The following ARHGAP15 variants were observed in gnomAD, a reference collection of about 807,000 sequenced individuals.
ARHGAP15 encodes the protein Rho GTPase activating protein 15, also known as rho GTPase-activating protein 15.
ARHGAP15 carries 51 observed loss-of-function variants against 63.7 expected under a neutral mutation model. That is an observed-to-expected ratio of 0.80 (90% confidence interval 0.64 to 1.01). The LOEUF is 1.01. ARHGAP15 is among the 50% of genes least tolerant of loss of function. ARHGAP15 has a pLI of 0.00. For missense variants in ARHGAP15, 560 were observed against 564.6 expected (o/e 0.99, Z 0.08); for synonymous variants, 191 against 193.8 (o/e 0.99, Z 0.12).
chr2:143,671,568 T>C (rs1160063686), intron 12 of ARHGAP15, among the ~76,000 whole-genome samples: 2 of 152,214 alleles, frequency 1.3e-5, no homozygotes, highest in African/African-American at 2.4e-5. Flanking sequence ...AACACACTTA[T>C]AGGTGTCCAA....
intron 6 of ARHGAP15, among the ~76,000 whole-genome samples, chr2:143,379,354 T>C (rs939987162): frequency 2.0e-5 from 3 of 151,864 alleles, no homozygotes; most frequent in Non-Finnish European, 2.9e-5. Flanking sequence ...TATATATATA[T>C]ATATGTGTGT....
intron 2 of ARHGAP15, among the ~76,000 whole-genome samples, chr2:143,160,767 C>G (rs1690260841): frequency 6.6e-6 from 1 of 151,910 alleles, no homozygotes; most frequent in African/African-American, 2.4e-5. Context: ...CTTTCCTTGT[C>G]CATGCCACCC....
chr2:143,174,927 A>G lies in ARHGAP15; in HGVS notation c.165+19272A>G, dbSNP rs541637914. Among the ~76,000 whole-genome samples the G allele has an allele frequency of 3.9e-5, 6 of 152,318 alleles. No homozygotes were observed. In the East Asian group the frequency reaches 1.2e-3, roughly 29 times the overall value. On this transcript the variant is annotated intron_variant, in intron 2 of 13. Coordinates refer to ENST00000295095, the MANE Select transcript of ARHGAP15 (RefSeq NM_018460.4). ...AATGGGAAGAAAATTCTCTTTGGGT[A>G]TTAATTAGACATATCAACGTTATTC...
chr2:143,293,343 T>C (rs2105125738), intron 6 of ARHGAP15, among the ~76,000 whole-genome samples: 1 of 152,244 alleles, frequency 6.6e-6, no homozygotes, highest in Middle Eastern at 3.4e-3. Context: ...GGTGTGTTTC[T>C]ACACTCTTAA....
In ARHGAP15 at chr2:143,437,058, G is replaced by T; in HGVS notation, c.703+16G>T. 1 of 1,585,702 alleles carries T rather than the reference G, an allele frequency of 6.3e-7. No individual in the cohort carries two copies. The highest frequency in any genetic ancestry group is 1.2e-5 in the South Asian group (1 of 85,414). On this transcript the variant is annotated intron_variant, in intron 8 of 13. Transcript: ENST00000295095. ...AAATCTTTAAGTGAGTATTTTCTTT[G>T]ACTTGCTCATTTTAAGTTTGTCTAA...
intron 13 of ARHGAP15, among the ~76,000 whole-genome samples, chr2:143,733,930 A>AT (rs1321293286): frequency 6.6e-6 from 1 of 152,108 alleles, no homozygotes; most frequent in Non-Finnish European, 1.5e-5. Flanking sequence ...TCTTATCTAC[A>AT]TTTTTTACTG....
At chr2:143,579,002 G>A (rs920528698) in intron 11 of ARHGAP15, among the ~76,000 whole-genome samples, 1 of 152,054 alleles carries the variant, frequency 6.6e-6, no homozygotes, top group Non-Finnish European at 1.5e-5. Context: ...TACATTGATA[G>A]TAAATCTCTT....
intron 6 of ARHGAP15, among the ~76,000 whole-genome samples, chr2:143,283,848 T>C (rs180746216): frequency 1.0e-3 from 159 of 152,280 alleles, no homozygotes; most frequent in African/African-American, 3.7e-3. Flanking sequence ...TATTGGGCTT[T>C]CATTCTTCTT....
rs1234922461 is a variant in ARHGAP15, at chr2:143,155,451, A to G, written c.-14-26A>G. 10 of 1,536,628 alleles carry G rather than the reference A, an allele frequency of 6.5e-6. No individual in the cohort carries two copies. In the South Asian group the frequency reaches 1.3e-4, roughly 19 times the overall value. On this transcript the variant is annotated intron_variant, in intron 1 of 13. Transcript: ENST00000295095. ...CATGGAAAATTGTATGTTTAGAATAACATAATACATTTTATATTTTATCAG... is the reference window on the plus strand; with the variant it reads ...CATGGAAAATTGTATGTTTAGAATAGCATAATACATTTTATATTTTATCAG...
chr2:143,353,078 G>A (rs1201954621), intron 6 of ARHGAP15, among the ~76,000 whole-genome samples: 1 of 151,686 alleles, frequency 6.6e-6, no homozygotes, highest in Non-Finnish European at 1.5e-5. Flanking sequence ...TTTTTTTCAG[G>A]AAAAGAATAG....
chr2:143,185,681 T>C (rs909936280), intron 2 of ARHGAP15, among the ~76,000 whole-genome samples: 10 of 152,218 alleles, frequency 6.6e-5, no homozygotes, highest in African/African-American at 2.4e-4. Context: ...GTATCAATCA[T>C]TAACTGCTAT....
chr2:143,498,909 A>C (rs144786174), intron 9 of ARHGAP15, among the ~76,000 whole-genome samples: 23 of 152,292 alleles, frequency 1.5e-4, no homozygotes, highest in African/African-American at 5.5e-4. Flanking sequence ...AAGATCCAGA[A>C]CATATGGTGG....
At chr2:143,679,192 T>C (rs1231454231) in intron 12 of ARHGAP15, among the ~76,000 whole-genome samples, 1 of 152,178 alleles carries the variant, frequency 6.6e-6, no homozygotes, top group South Asian at 2.1e-4. Context: ...AATCCTGGGA[T>C]TCGGCTCTTA....
At chr2:143,297,223 A>C (rs909021278) in intron 6 of ARHGAP15, among the ~76,000 whole-genome samples, 2 of 152,010 alleles carry the variant, frequency 1.3e-5, no homozygotes, top group African/African-American at 4.8e-5. Context: ...TTGTTTTGAT[A>C]ACTGAAGTAG....
intron 6 of ARHGAP15, among the ~76,000 whole-genome samples, chr2:143,307,560 T>A (rs1487527903): frequency 6.6e-6 from 1 of 152,108 alleles, no homozygotes; most frequent in Non-Finnish European, 1.5e-5. Context: ...GATCAAAACC[T>A]TCTGTCCCAT....
intron 9 of ARHGAP15, among the ~76,000 whole-genome samples, chr2:143,497,741 A>C (rs1574534034): frequency 6.6e-6 from 1 of 152,292 alleles, no homozygotes; most frequent in Non-Finnish European, 1.5e-5. Flanking sequence ...AAGAAAGCAG[A>C]ATTTCATTCT....
intron 6 of ARHGAP15, among the ~76,000 whole-genome samples, chr2:143,381,631 TG>T (rs558256659): frequency 1.3e-5 from 2 of 152,286 alleles, no homozygotes; most frequent in Middle Eastern, 3.4e-3. Context: ...TTCTTGACTT[TG>T]GGGGAGCAGT....
At chr2:143,685,948 A>T (rs936873554) in intron 12 of ARHGAP15, among the ~76,000 whole-genome samples, 1 of 150,518 alleles carries the variant, frequency 6.6e-6, no homozygotes, top group African/African-American at 2.4e-5. Flanking sequence ...TGTTTACTTT[A>T]AAAAAAAAAT....
chr2:143,526,685 G>T (rs1277947617), intron 10 of ARHGAP15, among the ~76,000 whole-genome samples: 1 of 152,046 alleles, frequency 6.6e-6, no homozygotes, highest in Admixed American at 6.6e-5. Context: ...GGATGTTTTA[G>T]CCTGGAAGCA....
Sources: gnomAD v4.1 joint callset for allele counts (sites outside exome capture counted in the v4.1 genomes callset) on GRCh38, gnomAD v4.1.1 for gene constraint, MANE v1.5 for transcripts, NCBI Gene and HGNC (gene_info 2026-07-23, HGNC 2026-07-21) for gene names.